The following DYNC2H1 variants were observed in gnomAD, a reference collection of about 807,000 sequenced individuals.
DYNC2H1 encodes dynein cytoplasmic 2 heavy chain 1, also known as cytoplasmic dynein 2 heavy chain 1.
A neutral mutation model predicts 570.0 loss-of-function variants in DYNC2H1; 410 were observed. The observed-to-expected ratio is 0.72, with a 90% CI of 0.66 to 0.78. The LOEUF (loss-of-function observed/expected upper bound fraction) is 0.78, where lower values mean the gene tolerates loss of function less well. Ranked by LOEUF, DYNC2H1 falls within the 30% of genes least tolerant of loss-of-function variation. The pLI, the probability that DYNC2H1 is intolerant of heterozygous loss-of-function variation, is 0.00. For synonymous variants in DYNC2H1, 1,688 were observed against 1,677.6 expected (o/e 1.01, Z -0.15); for missense variants, 4,865 against 5,046.4 (o/e 0.96, Z 1.09).
Position 103,135,754 on chromosome 11 carries a change from G to T in DYNC2H1, c.2380G>T (p.Glu794Ter). 6.2e-7 allele frequency: 1 copy of T among 1,610,760 alleles called. No individual in the cohort carries two copies. The highest frequency in any genetic ancestry group is 8.5e-7 in the Non-Finnish European group (1 of 1,178,306). The change falls in exon 17 of 89, where the codon GAA becomes TAA. Residue 794 changes from glutamate (E) to a stop codon, truncating the protein, a stop_gained. Coordinates refer to ENST00000375735, the MANE Select transcript of DYNC2H1 (RefSeq NM_001377.3). LOFTEE classifies it high-confidence loss of function. Reference sequence around the variant, plus strand: ...ATTACAATTCAGGCCCCCTTTTGAAGAAATCCGGGCTAAATATTATAGAGA... The same window carrying T: ...ATTACAATTCAGGCCCCCTTTTGAATAAATCCGGGCTAAATATTATAGAGA... Reference protein sequence around the residue: ...GRLQFRPPFEEIRAKYYREMK... With the variant: ...GRLQFRPPFE
intron 17 of DYNC2H1, among the ~76,000 whole-genome samples, chr11:103,141,927 A>G (rs533508350): frequency 1.3e-5 from 2 of 152,202 alleles, no homozygotes; most frequent in East Asian, 3.9e-4. Flanking sequence ...TGCCCCTCCC[A>G]CAGCCTCGCT....
chr11:103,235,735 A>C lies in DYNC2H1; in HGVS notation c.9631A>C (p.Ile3211Leu). Reference sequence around the variant, plus strand: ...AAGAGCTCAACTTGCTGCTGCATTTATTACATATCTTTCTGCTGCTCCTGA... The same window carrying C: ...AAGAGCTCAACTTGCTGCTGCATTTCTTACATATCTTTCTGCTGCTCCTGA... The part of the protein sequence containing the change: ...PKRAQLAAAF[I>L]TYLSAAPESL... The change falls in exon 62 of 89, where the codon ATT becomes CTT. Residue 3211 changes from isoleucine (I) to leucine (L), a missense_variant. Coordinates refer to ENST00000375735, the MANE Select transcript of DYNC2H1 (RefSeq NM_001377.3). 6.2e-7 allele frequency: 1 copy of C among 1,611,686 alleles called. No individual in the cohort carries two copies. Among genetic ancestry groups the C allele is most frequent in the Non-Finnish European group, 8.5e-7 (1 of 1,178,538 alleles).
intron 62 of DYNC2H1, 120 bp from the exon 63 acceptor site, chr11:103,236,310 G>T: frequency 1.5e-6 from 1 of 647,586 alleles, no homozygotes; most frequent in South Asian, 1.9e-5. Context: ...AAATGTGGAA[G>T]AATGGGTTTC....
At chr11:103,130,337 A>G (rs1756708072) in intron 13 of DYNC2H1, among the ~76,000 whole-genome samples, 2 of 152,178 alleles carry the variant, frequency 1.3e-5, no homozygotes, top group Non-Finnish European at 2.9e-5. Flanking sequence ...AATGCCAACT[A>G]AGGGACATCT....
intron 87 of DYNC2H1, among the ~76,000 whole-genome samples, chr11:103,459,543 T>C (rs183594014): frequency 1.3e-5 from 2 of 152,196 alleles, no homozygotes; most frequent in Admixed American, 1.3e-4. Context: ...AGAGGCACTG[T>C]AGTAGGTGTT....
chr11:103,231,951 A>C (rs1433538005), intron 60 of DYNC2H1, among the ~76,000 whole-genome samples: 1 of 152,034 alleles, frequency 6.6e-6, no homozygotes, highest in Non-Finnish European at 1.5e-5. Flanking sequence ...ACTTATAGAA[A>C]AAAATCAAAC....
At chr11:103,286,799 T>C (rs953324405) in intron 74 of DYNC2H1, among the ~76,000 whole-genome samples, 2 of 152,156 alleles carry the variant, frequency 1.3e-5, no homozygotes, top group Non-Finnish European at 2.9e-5. Flanking sequence ...CGCTCAAACT[T>C]TTTTGCTAGT....
At chr11:103,292,965 A>G (rs1866674337) in intron 75 of DYNC2H1, among the ~76,000 whole-genome samples, 1 of 152,256 alleles carries the variant, frequency 6.6e-6, no homozygotes, top group East Asian at 1.9e-4. Context: ...CAAGTGACTT[A>G]CACACCGCAA....
chr11:103,114,587 C>T (rs907077295), intron 3 of DYNC2H1, among the ~76,000 whole-genome samples: 2 of 152,036 alleles, frequency 1.3e-5, no homozygotes, highest in South Asian at 2.1e-4. Context: ...CCCAAAGTGC[C>T]GAGGCAGTAG....
chr11:103,358,777 C>G (rs796811517), intron 83 of DYNC2H1, among the ~76,000 whole-genome samples: 1 of 152,046 alleles, frequency 6.6e-6, no homozygotes, highest in African/African-American at 2.4e-5. Context: ...AATGTATATA[C>G]ATAGTACAAC....
chr11:103,109,851 C>A (rs955733954), intron 1 of DYNC2H1, 82 bp downstream of exon 1: 35 of 1,402,718 alleles, frequency 2.5e-5, no homozygotes, highest in Non-Finnish European at 3.3e-5. Context: ...GGGTCACACT[C>A]TTTAGCTTTA....
intron 82 of DYNC2H1, among the ~76,000 whole-genome samples, chr11:103,342,489 C>G (rs1939508102): frequency 6.6e-6 from 1 of 150,986 alleles, no homozygotes; most frequent in Non-Finnish European, 1.5e-5. Context: ...CTGCAGCTCA[C>G]TCTTTGAGTC....
Position 103,430,636 on chromosome 11 carries a change from T to G in DYNC2H1, c.12367-5307T>G, listed in dbSNP as rs139263369. Among the ~76,000 whole-genome samples the G allele has an allele frequency of 4.2e-3, 645 of 152,228 alleles. 7 individuals are homozygous for G. Among genetic ancestry groups the G allele is most frequent in the Admixed American group, 0.014 (207 of 15,272 alleles). ...ATTGTTTTCCAGATAAAATTTAAAT[T>G]CCTTAGTATAAACCACCACAAATTT... is the stretch of plus-strand genomic sequence containing the variant. On this transcript the variant is annotated intron_variant, in intron 84 of 88. Transcript: ENST00000375735.
intron 75 of DYNC2H1, among the ~76,000 whole-genome samples, chr11:103,302,689 T>C (rs1310389950): frequency 6.6e-6 from 1 of 152,068 alleles, no homozygotes; most frequent in Admixed American, 6.6e-5. Context: ...AACTATCATA[T>C]CAGTTAATGA....
At chr11:103,437,594 C>G (rs1343519589) in intron 85 of DYNC2H1, among the ~76,000 whole-genome samples, 1 of 152,110 alleles carries the variant, frequency 6.6e-6, no homozygotes, top group African/African-American at 2.4e-5. Context: ...AGTCATCTTT[C>G]TGTCTATCTG....
Position 103,128,832 on chromosome 11 carries a change from A to G in DYNC2H1, c.1858-78A>G, listed in dbSNP as rs565724624. On this transcript the variant is annotated intron_variant, in intron 12 of 88. Coordinates refer to ENST00000375735, the MANE Select transcript of DYNC2H1 (RefSeq NM_001377.3). ...AATTTTAGGATTGAGAAAAGTTAAC[A>G]TTTTCATTCAAACAATTAAAAATAA... 3.2e-5 allele frequency: 39 copies of G among 1,228,276 alleles called. No homozygotes were observed. In the African/African-American group the frequency reaches 4.8e-4, roughly 15 times the overall value. 76.1% of individuals were successfully genotyped at this position (1,228,276 alleles called of 1,614,324 possible). A position where few individuals can be genotyped will look rare whatever the true frequency, so the allele number is the denominator to read the frequency against.
chr11:103,404,306 G>C (rs7943708), intron 84 of DYNC2H1: 1 of 150,960 alleles, frequency 6.6e-6, no homozygotes, highest in African/African-American at 2.4e-5. Context: ...CTTCCTTTTT[G>C]GCTTAGGTTT....
intron 83 of DYNC2H1, among the ~76,000 whole-genome samples, chr11:103,365,195 C>A (rs532515730): frequency 8.5e-5 from 13 of 152,074 alleles, no homozygotes; most frequent in Non-Finnish European, 1.5e-4. Flanking sequence ...AACCCTGTCT[C>A]TACTGAAAAT....
At chr11:103,251,924 T>A (rs964485101) in intron 65 of DYNC2H1, among the ~76,000 whole-genome samples, 5 of 152,050 alleles carry the variant, frequency 3.3e-5, no homozygotes, top group African/African-American at 1.2e-4. Flanking sequence ...TCTTTTCTTT[T>A]CCTTTCATTT....
Sources: gnomAD v4.1 joint callset for allele counts (sites outside exome capture counted in the v4.1 genomes callset) on GRCh38, gnomAD v4.1.1 for gene constraint, MANE v1.5 for transcripts, NCBI Gene and HGNC (gene_info 2026-07-23, HGNC 2026-07-21) for gene names.